Variants in CMKLR2 observed in about 807,000 individuals in gnomAD.
CMKLR2 encodes the protein chemerin-like receptor 2.
In CMKLR2, 18 loss-of-function variants were observed where a neutral mutation model predicts 23.0. That is an observed-to-expected ratio of 0.78 (90% CI 0.54 to 1.16). The LOEUF is 1.16. Ranked by LOEUF, CMKLR2 falls within the 50% of genes most tolerant of loss-of-function variation. CMKLR2 has a pLI of 0.00. For missense variants in CMKLR2, 401 were observed against 412.7 expected, an observed-to-expected ratio of 0.97 and a Z score of 0.25; for synonymous variants, 158 against 158.9, an observed-to-expected ratio of 0.99 and a Z score of 0.05.
chr2:206,181,735 C>T (rs560903203), intron 1 of CMKLR2, among the ~76,000 whole-genome samples: 1 of 152,136 alleles, frequency 6.6e-6, no homozygotes, highest in East Asian at 1.9e-4. Context: ...GGTGAATCAT[C>T]TAAGGTCAGG....
chr2:206,185,000 TTTTC>T (rs1688536206), intron 1 of CMKLR2, among the ~76,000 whole-genome samples: 1 of 152,184 alleles, frequency 6.6e-6, no homozygotes, highest in Non-Finnish European at 1.5e-5. Context: ...TCTTTCTTTC[TTTTC>T]TTTAAGACAG....
intron 1 of CMKLR2, among the ~76,000 whole-genome samples, chr2:206,189,409 C>T (rs891736178): frequency 1.3e-5 from 2 of 152,120 alleles, no homozygotes; most frequent in Non-Finnish European, 2.9e-5. Flanking sequence ...CTGAGGCAGG[C>T]AGATCACTTG....
intron 1 of CMKLR2, among the ~76,000 whole-genome samples, chr2:206,183,020 G>A (rs1296922132): frequency 6.6e-6 from 1 of 152,030 alleles, no homozygotes; most frequent in Non-Finnish European, 1.5e-5. Context: ...CTGTCATGCT[G>A]CCCCATTCTT....
In CMKLR2 at chr2:206,204,838, C is replaced by T. The variant is rs181008240; in HGVS notation, c.-29+8469G>A. Among the ~76,000 whole-genome samples the T allele has an allele frequency of 6.6e-5, 10 of 152,304 alleles. No homozygotes were observed. In the East Asian group the frequency reaches 1.5e-3, roughly 24 times the overall value. ...GTTTCCTGCTGTTACAGTAAAGCTACGCTGTGTTCATTCCATCCTTGACAA... is the reference window on the plus strand; with the variant it reads ...GTTTCCTGCTGTTACAGTAAAGCTATGCTGTGTTCATTCCATCCTTGACAA... On this transcript the variant is annotated intron_variant, in intron 1 of 1. Coordinates refer to ENST00000621141, the MANE Select transcript of CMKLR2 (RefSeq NM_001389445.1).
intron 1 of CMKLR2, among the ~76,000 whole-genome samples, chr2:206,191,221 AG>A (rs1688736961): frequency 6.6e-6 from 1 of 152,196 alleles, no homozygotes; most frequent in African/African-American, 2.4e-5. Flanking sequence ...AAATGGGAAT[AG>A]TAATAGCACC....
intron 1 of CMKLR2, among the ~76,000 whole-genome samples, chr2:206,194,858 G>A (rs112793681): frequency 0.15 from 22,158 of 146,980 alleles, 1,823 homozygotes; most frequent in Admixed American, 0.25. Flanking sequence ...GGTTCACGCC[G>A]TTCTCCTGCC....
At chr2:206,212,113 A>G (rs778582056) in intron 1 of CMKLR2, among the ~76,000 whole-genome samples, 7 of 152,176 alleles carry the variant, frequency 4.6e-5, no homozygotes, top group African/African-American at 1.7e-4. Context: ...TCAGTTTTGC[A>G]TATTCAATCT....
At position 206,175,951 on chromosome 2, in the gene CMKLR2, CTAAG is replaced by C. The variant is rs1052664178; in HGVS notation, c.*225_*228del. 19 of 392,544 alleles carry C rather than the reference CTAAG, an allele frequency of 4.8e-5. No homozygotes were observed. The highest frequency in any genetic ancestry group is 7.6e-5 in the Non-Finnish European group (17 of 222,280). 24.3% of individuals were successfully genotyped at this position (392,544 alleles called of 1,614,324 possible). On this transcript the variant is annotated 3_prime_UTR_variant, in exon 2 of 2. Transcript: ENST00000621141. ...CAGAAAAAAATTATGCGGATCCTTC[CTAAG>C]TATTTTCAGTTTTTTAAAAAAAATT...
intron 1 of CMKLR2, among the ~76,000 whole-genome samples, chr2:206,194,031 C>G (rs1409620793): frequency 2.0e-5 from 3 of 152,200 alleles, no homozygotes; most frequent in African/African-American, 7.2e-5. Context: ...TACTTCCTCT[C>G]TTAAAGAAAG....
At position 206,191,793 on chromosome 2, in the gene CMKLR2, G is replaced by A. The variant is rs200637826; in HGVS notation, c.-28-14518C>T. Among the ~76,000 whole-genome samples the A allele has an allele frequency of 2.5e-4, 37 of 148,778 alleles. No individual in the cohort carries two copies. In the East Asian group the frequency reaches 3.0e-3, roughly 12 times the overall value. ...AAGCAATCCTCTACCTCAGCCACCC[G>A]CAGCAGCTGGGACCACAGAGGCATG... On this transcript the variant is annotated intron_variant, in intron 1 of 1. Coordinates refer to ENST00000621141, the MANE Select transcript of CMKLR2 (RefSeq NM_001389445.1).
rs572166396 is a variant in CMKLR2, at chr2:206,177,059, C to T, written c.189G>A (p.Thr63=). ...IPGNAIVIWF[T]GFKWKKTVTT... is the part of the protein sequence containing the mutation. Reference sequence around the variant, plus strand: ...TGACTGTCTTCTTCCACTTGAACCCCGTGAACCAAATGACGATGGCATTTC... The same window carrying T: ...TGACTGTCTTCTTCCACTTGAACCCTGTGAACCAAATGACGATGGCATTTC... Residue 63 remains threonine (T), a synonymous_variant, in exon 2 of 2, where the codon ACG becomes ACA. Transcript: ENST00000621141. 42 of 1,614,182 alleles carry T rather than the reference C, an allele frequency of 2.6e-5. No individual in the cohort carries two copies. The highest frequency in any genetic ancestry group is 2.2e-4 in the South Asian group (20 of 91,088).
intron 1 of CMKLR2, chr2:206,203,349 A>T (rs1273508875): frequency 6.6e-6 from 1 of 151,392 alleles, no homozygotes; most frequent in Non-Finnish European, 1.5e-5. Flanking sequence ...AAAAAAAAAA[A>T]AAAAAGCAGC....
At chr2:206,215,100 G>A (rs1278553537), upstream of CMKLR2, among the ~76,000 whole-genome samples, 2 of 152,100 alleles carry the variant, frequency 1.3e-5, no homozygotes, top group Non-Finnish European at 2.9e-5. Flanking sequence ...GAGGTCGGGG[G>A]TAGGGGGTGC....
upstream of CMKLR2, among the ~76,000 whole-genome samples, chr2:206,216,524 C>T (rs1232154807): frequency 6.6e-6 from 1 of 152,126 alleles, no homozygotes; most frequent in Non-Finnish European, 1.5e-5. Context: ...TCAAGTAATC[C>T]TCCTGCCTCA....
At chr2:206,197,941 C>T (rs371696433) in intron 1 of CMKLR2, among the ~76,000 whole-genome samples, 27 of 152,114 alleles carry the variant, frequency 1.8e-4, no homozygotes, top group African/African-American at 6.5e-4. Flanking sequence ...GTTTGTGATC[C>T]ATCTTCGAAC....
chr2:206,209,134 C>A (rs920196428), intron 1 of CMKLR2, among the ~76,000 whole-genome samples: 1 of 151,860 alleles, frequency 6.6e-6, no homozygotes, highest in Non-Finnish European at 1.5e-5. Context: ...GGCCAGGAGT[C>A]GGAGACCAGC....
chr2:206,201,986 C>T (rs901025749), intron 1 of CMKLR2, among the ~76,000 whole-genome samples: 4 of 152,022 alleles, frequency 2.6e-5, no homozygotes, highest in Admixed American at 1.3e-4. Context: ...AATTGAGGGG[C>T]GCTAATGTTA....
At chr2:206,191,798 A>G (rs1688757056) in intron 1 of CMKLR2, among the ~76,000 whole-genome samples, 1 of 150,494 alleles carries the variant, frequency 6.6e-6, no homozygotes. Flanking sequence ...CACCCGCAGC[A>G]GCTGGGACCA....
chr2:206,215,040 C>T (rs1263547930), upstream of CMKLR2, among the ~76,000 whole-genome samples: 7 of 152,132 alleles, frequency 4.6e-5, no homozygotes, highest in Admixed American at 2.0e-4. Context: ...TGTTTTTTTC[C>T]GCTGTTAAAG....
Sources: gnomAD v4.1 joint callset for allele counts (sites outside exome capture counted in the v4.1 genomes callset) on GRCh38, gnomAD v4.1.1 for gene constraint, MANE v1.5 for transcripts, NCBI Gene and HGNC (gene_info 2026-07-23, HGNC 2026-07-21) for gene names.